The following PLD5 variants were observed in gnomAD, a reference collection of about 807,000 sequenced individuals.
The protein encoded by PLD5 is phospholipase D family member 5, also known as inactive phospholipase D5.
A neutral mutation model predicts 61.1 loss-of-function variants in PLD5; 36 were observed. The observed-to-expected ratio is 0.59, with a 90% CI of 0.45 to 0.78. The LOEUF (loss-of-function observed/expected upper bound fraction) is 0.78, where lower values mean the gene tolerates loss of function less well. PLD5 is among the 30% of genes least tolerant of loss of function. The pLI is 0.00. For missense variants in PLD5, 515 were observed against 644.4 expected (o/e 0.80, Z 2.17); for synonymous variants, 243 against 242.8 (o/e 1.00, Z -0.01).
At chr1:242,220,991 C>T (rs578219182) in intron 4 of PLD5, among the ~76,000 whole-genome samples, 7 of 152,164 alleles carry the variant, frequency 4.6e-5, no homozygotes, top group Non-Finnish European at 7.3e-5. Flanking sequence ...CTCGCCTCGG[C>T]CTTCCAAAGT....
chr1:242,295,262 A>G (rs1467690499), intron 2 of PLD5, among the ~76,000 whole-genome samples: 1 of 152,166 alleles, frequency 6.6e-6, no homozygotes, highest in Non-Finnish European at 1.5e-5. Flanking sequence ...CCCAACAGGT[A>G]GTTTATCAAT....
chr1:242,229,084 A>G (rs1671134745), intron 4 of PLD5, among the ~76,000 whole-genome samples: 1 of 152,228 alleles, frequency 6.6e-6, no homozygotes. Context: ...AACTCAAGCA[A>G]TTTTTAGCAA....
intron 5 of PLD5, among the ~76,000 whole-genome samples, chr1:242,195,096 C>A (rs186310832): frequency 6.6e-6 from 1 of 152,272 alleles, no homozygotes; most frequent in East Asian, 1.9e-4. Context: ...CTTGGATCAA[C>A]AATGGAAGGG....
chr1:242,297,815 A>T (rs992073583), intron 2 of PLD5, among the ~76,000 whole-genome samples: 1 of 149,122 alleles, frequency 6.7e-6, no homozygotes, highest in African/African-American at 2.5e-5. Flanking sequence ...AATTTTTTGT[A>T]TTTTTAGTAG....
chr1:242,275,651 T>A (rs1311810823), intron 3 of PLD5, among the ~76,000 whole-genome samples: 3 of 152,102 alleles, frequency 2.0e-5, no homozygotes, highest in Non-Finnish European at 4.4e-5. Flanking sequence ...TATTCCAAAT[T>A]CCAGGATGGA....
At chr1:242,332,527 G>A (rs1250885135) in intron 2 of PLD5, among the ~76,000 whole-genome samples, 10 of 152,214 alleles carry the variant, frequency 6.6e-5, no homozygotes, top group Admixed American at 1.3e-4. Context: ...CTATTTCTCC[G>A]CATCCTCTCC....
chr1:242,211,114 G>T (rs902422632), intron 5 of PLD5, among the ~76,000 whole-genome samples: 11 of 152,162 alleles, frequency 7.2e-5, no homozygotes, highest in Middle Eastern at 3.2e-3. Flanking sequence ...CGATGAAGCT[G>T]GATACACTAA....
At chr1:242,522,074 C>T (rs975210617) in intron 1 of PLD5, among the ~76,000 whole-genome samples, 2 of 151,888 alleles carry the variant, frequency 1.3e-5, no homozygotes, top group Non-Finnish European at 2.9e-5. Context: ...AGAATACCAC[C>T]AATAAATTTA....
rs548969297 is a variant in PLD5 at position 242,390,303 on chromosome 1, C to T, written c.190-42061G>A. Among the ~76,000 whole-genome samples the T allele has an allele frequency of 1.3e-5, 2 of 152,190 alleles. 1 individual carries two copies. Among genetic ancestry groups the T allele is most frequent in the Admixed American group, 1.3e-4 (2 of 15,280 alleles). Reference sequence around the variant, plus strand: ...TCGAAGATACAAATTATTAAAGCTCCTTCTTAGGGTAACCTGTCCAGATAA... The same window carrying T: ...TCGAAGATACAAATTATTAAAGCTCTTTCTTAGGGTAACCTGTCCAGATAA... On this transcript the variant is annotated intron_variant, in intron 1 of 9. Transcript: ENST00000536534.
chr1:242,452,830 G>A (rs1395988525), intron 1 of PLD5, among the ~76,000 whole-genome samples: 1 of 151,838 alleles, frequency 6.6e-6, no homozygotes, highest in Admixed American at 6.6e-5. Context: ...CCCTGATGTG[G>A]ACATCCGGAA....
intron 1 of PLD5, among the ~76,000 whole-genome samples, chr1:242,450,640 A>T (rs1666742609): frequency 6.6e-6 from 1 of 152,178 alleles, no homozygotes. Flanking sequence ...ATCCCCAGGA[A>T]TATAATTTGT....
chr1:242,513,931 T>C (rs146768913), intron 1 of PLD5, among the ~76,000 whole-genome samples: 159 of 152,370 alleles, frequency 1.0e-3, no homozygotes, highest in African/African-American at 3.7e-3. Flanking sequence ...CAATACTTCT[T>C]GCATCGGTGC....
chr1:242,380,683 A>G (rs1359259793), intron 1 of PLD5, among the ~76,000 whole-genome samples: 1 of 152,126 alleles, frequency 6.6e-6, no homozygotes, highest in African/African-American at 2.4e-5. Flanking sequence ...AGTCTATAAG[A>G]AACTTAAATT....
chr1:242,101,896 A>G (rs1414152418), intron 8 of PLD5, among the ~76,000 whole-genome samples: 4 of 152,182 alleles, frequency 2.6e-5, no homozygotes, highest in Non-Finnish European at 4.4e-5. Context: ...ATCAAAATCT[A>G]CTACTTAAAA....
At chr1:242,316,734 TA>T (rs1278972678) in intron 2 of PLD5, among the ~76,000 whole-genome samples, 2 of 152,096 alleles carry the variant, frequency 1.3e-5, no homozygotes, top group African/African-American at 2.4e-5. Context: ...TACTACCCAT[TA>T]GTTATTTTTT....
chr1:242,353,591 T>C (rs1660594266), intron 1 of PLD5, among the ~76,000 whole-genome samples: 1 of 152,164 alleles, frequency 6.6e-6, no homozygotes, highest in African/African-American at 2.4e-5. Flanking sequence ...AGAATTGCAA[T>C]AAATCTGTAA....
At chr1:242,107,038 A>G (rs1661110726) in intron 8 of PLD5, among the ~76,000 whole-genome samples, 1 of 152,154 alleles carries the variant, frequency 6.6e-6, no homozygotes, top group Non-Finnish European at 1.5e-5. Flanking sequence ...GGGGATTAGT[A>G]CGTGGCCCAA....
chr1:242,133,937 T>C (rs1267614687), intron 5 of PLD5, among the ~76,000 whole-genome samples: 1 of 152,234 alleles, frequency 6.6e-6, no homozygotes, highest in African/African-American at 2.4e-5. Flanking sequence ...TTAAGACAGT[T>C]GAAAATTATG....
At position 242,407,784 on chromosome 1, in the gene PLD5, G is replaced by A. The variant is rs1162978242; in HGVS notation, c.190-59542C>T. On this transcript the variant is annotated intron_variant, in intron 1 of 9. Transcript: ENST00000536534. ...AGTAGAGATGGAGTTTCACCATGGT[G>A]GTCAGGATGGTCTCAAACTCCTGAC... 2.0e-5 allele frequency among the ~76,000 whole-genome samples: 3 copies of A among 151,994 alleles called. No homozygotes were observed. In the South Asian group the frequency reaches 6.2e-4, roughly 32 times the overall value.
Sources: allele counts gnomAD v4.1 joint callset (sites outside exome capture counted in the v4.1 genomes callset), GRCh38; gene constraint gnomAD v4.1.1; transcripts MANE v1.5; gene names NCBI Gene and HGNC (gene_info 2026-07-23, HGNC 2026-07-21).